TMEM108: variants seen among roughly 807,000 people sequenced by gnomAD.
The protein encoded by TMEM108 is transmembrane protein 108, also known as cancer/testis antigen 124.
TMEM108 carries 12 observed loss-of-function variants against 35.1 expected under a neutral mutation model. The observed-to-expected ratio is 0.34, with a 90% CI of 0.22 to 0.55. The LOEUF is 0.55. Ranked by LOEUF, TMEM108 falls within the 20% of genes least tolerant of loss-of-function variation. The pLI is 0.89. For missense variants in TMEM108, 680 were observed against 753.3 expected, an observed-to-expected ratio of 0.90 and a Z score of 1.14; for synonymous variants, 287 against 308.6, an observed-to-expected ratio of 0.93 and a Z score of 0.73.
rs573906065 is a variant in TMEM108 at position 133,362,601 on chromosome 3, G to A, written c.41-17151G>A. ...AAAATAAAATAAAGGCTATAAATAC[G>A]AAGTGCAAAATCATGGAGTTAGTGT... On this transcript the variant is annotated intron_variant, in intron 3 of 5. Coordinates refer to ENST00000321871, the MANE Select transcript of TMEM108 (RefSeq NM_023943.4). 5.9e-5 allele frequency among the ~76,000 whole-genome samples: 9 copies of A among 152,268 alleles called. No homozygotes were observed. In the South Asian group the frequency reaches 1.5e-3, roughly 25 times the overall value.
At chr3:133,301,974 T>C (rs1057361915) in intron 3 of TMEM108, among the ~76,000 whole-genome samples, 3 of 152,200 alleles carry the variant, frequency 2.0e-5, no homozygotes, top group Non-Finnish European at 4.4e-5. Flanking sequence ...CTGCCTCTGA[T>C]GTAATGGATG....
At chr3:133,231,196 T>C (rs1946148343) in intron 3 of TMEM108, among the ~76,000 whole-genome samples, 1 of 152,148 alleles carries the variant, frequency 6.6e-6, no homozygotes, top group Admixed American at 6.6e-5. Flanking sequence ...ATATGTTATT[T>C]TATATAACTC....
chr3:133,107,689 C>T (rs1576322285), intron 2 of TMEM108, among the ~76,000 whole-genome samples: 1 of 152,112 alleles, frequency 6.6e-6, no homozygotes, highest in East Asian at 1.9e-4. Flanking sequence ...CCAGGTTACC[C>T]AGGAGAAATT....
At chr3:133,324,569 G>A (rs112133983) in intron 3 of TMEM108, among the ~76,000 whole-genome samples, 23 of 152,310 alleles carry the variant, frequency 1.5e-4, no homozygotes, top group African/African-American at 5.5e-4. Context: ...CACTGTTGGT[G>A]GAAATGTAAA....
At chr3:133,143,443 TG>T (rs1276594841) in intron 2 of TMEM108, among the ~76,000 whole-genome samples, 1 of 152,110 alleles carries the variant, frequency 6.6e-6, no homozygotes, top group African/African-American at 2.4e-5. Flanking sequence ...GAGTGCTTTA[TG>T]TTTGTATAGG....
At chr3:133,237,866 GT>G (rs1197971825) in intron 3 of TMEM108, among the ~76,000 whole-genome samples, 3 of 152,028 alleles carry the variant, frequency 2.0e-5, no homozygotes, top group Non-Finnish European at 2.9e-5. Context: ...AATATTTTTT[GT>G]TTTACAGCTT....
intron 3 of TMEM108, among the ~76,000 whole-genome samples, chr3:133,354,551 A>G (rs1310302512): frequency 1.3e-5 from 2 of 152,214 alleles, no homozygotes; most frequent in Non-Finnish European, 2.9e-5. Context: ...TCTGTGAATT[A>G]GCATAAGATA....
chr3:133,214,409 A>G (rs1319284544), intron 2 of TMEM108, among the ~76,000 whole-genome samples: 1 of 152,092 alleles, frequency 6.6e-6, no homozygotes, highest in Non-Finnish European at 1.5e-5. Flanking sequence ...AAGGAACTAG[A>G]TCCAAAGGAA....
chr3:133,171,295 A>G (rs1274643685), intron 2 of TMEM108, among the ~76,000 whole-genome samples: 2 of 152,224 alleles, frequency 1.3e-5, no homozygotes, highest in African/African-American at 4.8e-5. Flanking sequence ...ACAATAATAT[A>G]AACAAGTTTT....
At chr3:133,308,218 G>A (rs2071071667) in intron 3 of TMEM108, among the ~76,000 whole-genome samples, 1 of 152,172 alleles carries the variant, frequency 6.6e-6, no homozygotes, top group African/African-American at 2.4e-5. Context: ...TTTGTATCCT[G>A]AGACTTTGCT....
At chr3:133,225,856 A>C (rs1946062818) in intron 2 of TMEM108, among the ~76,000 whole-genome samples, 2 of 152,358 alleles carry the variant, frequency 1.3e-5, no homozygotes, top group Non-Finnish European at 2.9e-5. Flanking sequence ...ATTGTTGATG[A>C]AAAAACCAAA....
At chr3:133,391,556 CT>C (rs1208593250) in intron 5 of TMEM108, among the ~76,000 whole-genome samples, 1 of 152,232 alleles carries the variant, frequency 6.6e-6, no homozygotes, top group African/African-American at 2.4e-5. Flanking sequence ...CCCAGGCCAA[CT>C]TTCCAGCCTC....
At chr3:133,374,541 G>GTT (rs1182099997) in intron 3 of TMEM108, among the ~76,000 whole-genome samples, 75 of 109,176 alleles carry the variant, frequency 6.9e-4, no homozygotes, top group South Asian at 9.6e-4. Context: ...TATAATTTTT[G>GTT]TTATATATAT....
chr3:133,380,943 C>T lies in TMEM108; in HGVS notation c.1232C>T (p.Thr411Ile). Reference protein sequence around the residue: ...KEETVATLTMTDRVPSPLSTV... With the variant: ...KEETVATLTMIDRVPSPLSTV... ...GAGACTGTGGCCACCCTCACCATGA[C>T]CGACCGGGTGCCCAGTCCTCTCTCC... The change falls in exon 4 of 6, where the codon ACC (threonine) becomes ATC (isoleucine). Residue 411 changes from threonine (T) to isoleucine (I), a missense_variant. By Grantham distance (89) the Thr-to-Ile change is moderately conservative. Around this residue, in one of 3 missense-constraint regions of TMEM108, gnomAD observed 526 missense variants for 532.1 expected, o/e 0.99. Transcript: ENST00000321871. This position sits in a 1 kb window ranked among gnomAD's most constrained non-coding sequence, Gnocchi z 5.3. 6.2e-7 allele frequency: 1 copy of T among 1,614,176 alleles called. No homozygotes were observed. The highest frequency in any genetic ancestry group is 1.7e-5 in the Admixed American group (1 of 60,012).
At chr3:133,109,556 G>A (rs1368395877) in intron 2 of TMEM108, among the ~76,000 whole-genome samples, 1 of 152,160 alleles carries the variant, frequency 6.6e-6, no homozygotes, top group African/African-American at 2.4e-5. Context: ...TAGGGCAAAC[G>A]TTACAACCAG....
intron 3 of TMEM108, among the ~76,000 whole-genome samples, chr3:133,320,169 C>T (rs2107718264): frequency 6.6e-6 from 1 of 152,038 alleles, no homozygotes; most frequent in East Asian, 1.9e-4. Context: ...TGGATTCAAA[C>T]CAAGAAGAAA....
chr3:133,069,506 T>G (rs73003683), intron 2 of TMEM108, among the ~76,000 whole-genome samples: 10,809 of 152,176 alleles, frequency 0.071, 1,317 homozygotes, highest in African/African-American at 0.24. Flanking sequence ...TTAACTAGTA[T>G]AAAGTCATAT....
At chr3:133,089,543 G>T (rs948433214) in intron 2 of TMEM108, among the ~76,000 whole-genome samples, 5 of 152,166 alleles carry the variant, frequency 3.3e-5, no homozygotes, top group Admixed American at 2.6e-4. Flanking sequence ...GGTGAGTCTA[G>T]TGACACCAAT....
chr3:133,379,923 A>T lies in TMEM108; in HGVS notation c.212A>T (p.Asp71Val), dbSNP rs2072952081. Residue 71 changes from aspartate to valine, a missense_variant, in exon 4 of 6, where the codon GAT becomes GTT. By Grantham distance (152) the Asp-to-Val change is radical (BLOSUM62 -3). Around this residue, in one of 3 missense-constraint regions of TMEM108, gnomAD observed 526 missense variants for 532.1 expected, o/e 0.99. Coordinates refer to ENST00000321871, the MANE Select transcript of TMEM108 (RefSeq NM_023943.4). The stretch of plus-strand genomic sequence containing the variant: ...GTGGTGATGCTGACCCCCAATCCCG[A>T]TGGACCCCCCTCACAGGCTGCAGCT... ...TSVVMLTPNPDGPPSQAAAPM... is the reference protein window; with the variant it reads ...TSVVMLTPNPVGPPSQAAAPM... 6.2e-7 allele frequency: 1 copy of T among 1,613,292 alleles called. No homozygotes were observed.
Sources: allele counts gnomAD v4.1 joint callset (sites outside exome capture counted in the v4.1 genomes callset), GRCh38; gene constraint gnomAD v4.1.1; regional missense constraint gnomAD v4.1.1; non-coding constraint Gnocchi (gnomAD v3.1); transcripts MANE v1.5; gene names NCBI Gene and HGNC (gene_info 2026-07-23, HGNC 2026-07-21).